Variants in ASCC3 observed in about 807,000 individuals in gnomAD.
ASCC3 encodes activating signal cointegrator 1 complex subunit 3.
A neutral mutation model predicts 256.3 loss-of-function variants in ASCC3; 158 were observed. The observed-to-expected ratio is 0.62, with a 90% CI of 0.54 to 0.70. The LOEUF (loss-of-function observed/expected upper bound fraction) is 0.70, where lower values mean the gene tolerates loss of function less well. ASCC3 is among the 30% of genes least tolerant of loss of function. The probability of loss-of-function intolerance (pLI) is 0.00; values close to 1 mark genes in which losing one functional copy is unlikely to be tolerated. For missense variants in ASCC3, 2,259 were observed against 2,626.0 expected, an observed-to-expected ratio of 0.86 and a Z score of 3.05; for synonymous variants, 948 against 883.4, an observed-to-expected ratio of 1.07 and a Z score of -1.30.
intron 27 of ASCC3, among the ~76,000 whole-genome samples, chr6:100,628,438 A>G (rs1156608664): frequency 2.0e-5 from 3 of 152,172 alleles, no homozygotes; most frequent in Non-Finnish European, 4.4e-5. Flanking sequence ...TCCAATGTTG[A>G]AGGTGGGGCC....
chr6:100,774,374 T>C (rs977550550), intron 8 of ASCC3, among the ~76,000 whole-genome samples: 9 of 152,040 alleles, frequency 5.9e-5, no homozygotes, highest in African/African-American at 1.9e-4. Flanking sequence ...TGACTAACTT[T>C]TTTTTTTCGG....
intron 36 of ASCC3, among the ~76,000 whole-genome samples, chr6:100,585,274 C>T (rs1003710343): frequency 2.6e-5 from 4 of 152,126 alleles, no homozygotes; most frequent in East Asian, 1.9e-4. Context: ...AGGCTTTGTT[C>T]GTTTCTTTTT....
At chr6:100,828,742 AGT>A (rs756517101) in intron 4 of ASCC3, among the ~76,000 whole-genome samples, 13 of 152,074 alleles carry the variant, frequency 8.5e-5, no homozygotes, top group South Asian at 2.1e-4. Context: ...CTTTGTGGTG[AGT>A]GTTACAGCTC....
In ASCC3 at chr6:100,715,473, C is replaced by T. The variant is rs1162746188; in HGVS notation, c.2140G>A (p.Ala714Thr). 1 of 1,610,714 alleles carries T rather than the reference C, an allele frequency of 6.2e-7. No individual in the cohort carries two copies. Among genetic ancestry groups the T allele is most frequent in the Non-Finnish European group, 8.5e-7 (1 of 1,177,774 alleles). The change falls in exon 13 of 42, where the codon GCT becomes ACT. Residue 714 changes from alanine (A) to threonine (T), a missense_variant. Transcript: ENST00000369162. ...CYENVLKQVK[A>T]GHQVMVFVHA... Reference sequence around the variant, plus strand: ...TAAAATAAGTGTACCTGGTGTCCAGCCTTTACTTGCTTCAAAACATTTTCA... The same window carrying T: ...TAAAATAAGTGTACCTGGTGTCCAGTCTTTACTTGCTTCAAAACATTTTCA...
chr6:100,597,407 C>T (rs1216968333), intron 34 of ASCC3, among the ~76,000 whole-genome samples: 3 of 151,980 alleles, frequency 2.0e-5, no homozygotes, highest in Admixed American at 2.0e-4. Flanking sequence ...AATGCTTATA[C>T]TTTATAATTT....
chr6:100,860,481 C>A (rs1323421710), intron 3 of ASCC3, among the ~76,000 whole-genome samples: 1 of 151,750 alleles, frequency 6.6e-6, no homozygotes, highest in Non-Finnish European at 1.5e-5. Flanking sequence ...AGAGAAACTG[C>A]CACTTGTAAG....
Position 100,880,675 on chromosome 6 carries a change from G to A in ASCC3, c.-42+386C>T, listed in dbSNP as rs75967102. 0.013 allele frequency among the ~76,000 whole-genome samples: 1,955 copies of A among 152,242 alleles called. 104 individuals carry two copies. The East Asian group carries it at 0.15, about 12-fold the overall frequency. On this transcript the variant is annotated intron_variant, in intron 1 of 41. Transcript: ENST00000369162. ...TTCCAGTGTGTTGGGGGAAAAATAT[G>A]AGGAAGATTTCTTTCCCCAAATCTA...
chr6:100,702,453 C>T (rs13200305), intron 13 of ASCC3, among the ~76,000 whole-genome samples: 26,023 of 151,896 alleles, frequency 0.17, 2,754 homozygotes, highest in Middle Eastern at 0.28. Context: ...TTTGAGACAC[C>T]CAAGAGAAAA....
chr6:100,616,077 T>C (rs1224247159), intron 30 of ASCC3, among the ~76,000 whole-genome samples: 1 of 152,220 alleles, frequency 6.6e-6, no homozygotes, highest in Non-Finnish European at 1.5e-5. Context: ...CTTCAACATC[T>C]AGTACTAACT....
In ASCC3 at chr6:100,826,528, A is replaced by G. The variant is rs72947065; in HGVS notation, c.802-20648T>C. On this transcript the variant is annotated intron_variant, in intron 4 of 41. Coordinates refer to ENST00000369162, the MANE Select transcript of ASCC3 (RefSeq NM_006828.4). ...ATTTTAGTCTTTTGGAAGCTTTCTA[A>G]GTCCACATTATGTCATCCATCATAT... Among the ~76,000 whole-genome samples, 1,295 of 152,322 alleles carry G rather than the reference A, an allele frequency of 8.5e-3. 22 individuals are homozygous for G. Among genetic ancestry groups the G allele is most frequent in the South Asian group, 0.042 (204 of 4,826 alleles).
At chr6:100,818,665 G>T (rs1247414466) in intron 4 of ASCC3, among the ~76,000 whole-genome samples, 5 of 127,308 alleles carry the variant, frequency 3.9e-5, no homozygotes, top group African/African-American at 1.5e-4. Context: ...ACTAAGATTA[G>T]AAATAAGAAA....
At chr6:100,592,629 G>A (rs1032842741) in intron 34 of ASCC3, among the ~76,000 whole-genome samples, 1 of 151,942 alleles carries the variant, frequency 6.6e-6, no homozygotes, top group African/African-American at 2.4e-5. Flanking sequence ...ATATGCTCTC[G>A]ATTAGTAGCA....
chr6:100,819,356 TAGTC>T (rs1319294663), intron 4 of ASCC3, among the ~76,000 whole-genome samples: 3 of 152,144 alleles, frequency 2.0e-5, no homozygotes, highest in Admixed American at 6.5e-5. Context: ...CATTATGTAT[TAGTC>T]AGGGATCTCT....
rs767456306 is a variant in ASCC3, at chr6:100,873,781, C to T, written c.-41-5743G>A. Among the ~76,000 whole-genome samples, 3 of 152,170 alleles carry T rather than the reference C, an allele frequency of 2.0e-5. No individual in the cohort carries two copies. The South Asian group carries it at 6.2e-4, about 31-fold the overall frequency. On this transcript the variant is annotated intron_variant, in intron 1 of 41. Coordinates refer to ENST00000369162, the MANE Select transcript of ASCC3 (RefSeq NM_006828.4). ...GAATTTAGTATCCAGCAAAACTAAGCTTCATAAATGAAGGGATGGTACAGT... is the reference window on the plus strand; with the variant it reads ...GAATTTAGTATCCAGCAAAACTAAGTTTCATAAATGAAGGGATGGTACAGT...
intron 5 of ASCC3, among the ~76,000 whole-genome samples, chr6:100,800,953 C>T (rs1236784275): frequency 2.0e-5 from 3 of 151,868 alleles, no homozygotes. Context: ...GGTTAAGTTG[C>T]ACATATGTTA....
intron 18 of ASCC3, among the ~76,000 whole-genome samples, 168 bp downstream of exon 18, chr6:100,652,557 T>C (rs1582637369): frequency 1.3e-5 from 2 of 152,188 alleles, no homozygotes; most frequent in Non-Finnish European, 2.9e-5. Context: ...CCTTAGTATC[T>C]GAAGTTTTAT....
intron 13 of ASCC3, among the ~76,000 whole-genome samples, chr6:100,710,062 G>A (rs1778793101): frequency 6.6e-6 from 1 of 152,108 alleles, no homozygotes; most frequent in Non-Finnish European, 1.5e-5. Context: ...AAGGATCATA[G>A]TTATCCTGCT....
chr6:100,673,568 CAAAAG>C (rs1282936878), intron 14 of ASCC3, among the ~76,000 whole-genome samples: 2 of 151,854 alleles, frequency 1.3e-5, no homozygotes, highest in African/African-American at 4.8e-5. Flanking sequence ...AAAGGAATAA[CAAAAG>C]AAACAAGGAT....
intron 17 of ASCC3, among the ~76,000 whole-genome samples, chr6:100,653,206 C>T (rs1775754970): frequency 6.6e-6 from 1 of 151,996 alleles, no homozygotes; most frequent in Admixed American, 6.5e-5. Context: ...TTTAAAAACT[C>T]AATAATTGTC....
Sources: allele counts gnomAD v4.1 joint callset (sites outside exome capture counted in the v4.1 genomes callset), GRCh38; gene constraint gnomAD v4.1.1; transcripts MANE v1.5; gene names NCBI Gene and HGNC (gene_info 2026-07-23, HGNC 2026-07-21).